The following KLHDC4 variants were observed in gnomAD, a reference collection of about 807,000 sequenced individuals.
KLHDC4 encodes kelch domain-containing protein 4.
A neutral mutation model predicts 62.4 loss-of-function variants in KLHDC4; 90 were observed. That is an observed-to-expected ratio of 1.44 (90% CI 1.22 to 1.72). KLHDC4 has a LOEUF of 1.72. Ranked by LOEUF, KLHDC4 falls within the 40% of genes most tolerant of loss-of-function variation. The pLI, the probability that KLHDC4 is intolerant of heterozygous loss-of-function variation, is 0.00. For missense variants in KLHDC4, 1,025 were observed against 699.7 expected (o/e 1.47, Z -5.25); for synonymous variants, 386 against 284.4 (o/e 1.36, Z -3.59).
At chr16:87,759,172 C>CA (rs1032140189) in intron 2 of KLHDC4, among the ~76,000 whole-genome samples, 2 of 151,870 alleles carry the variant, frequency 1.3e-5, no homozygotes, top group Admixed American at 1.3e-4. Context: ...AACTCTGTCT[C>CA]AAAAAAACCA....
At chr16:87,705,216 G>C (rs2034523579), downstream of KLHDC4, among the ~76,000 whole-genome samples, 1 of 152,246 alleles carries the variant, frequency 6.6e-6, no homozygotes, top group Non-Finnish European at 1.5e-5. Flanking sequence ...AGAGGCCCTG[G>C]GCTTTCGTGC....
At chr16:87,748,634 A>G in intron 5 of KLHDC4, 39 bp downstream of exon 5, 1 of 1,612,482 alleles carries the variant, frequency 6.2e-7, no homozygotes, top group Non-Finnish European at 8.5e-7. Flanking sequence ...AGCACAGAAG[A>G]GCCATGCCCG....
intron 4 of KLHDC4, among the ~76,000 whole-genome samples, chr16:87,749,589 T>A (rs1013668193): frequency 2.6e-5 from 4 of 151,554 alleles, no homozygotes; most frequent in Non-Finnish European, 5.9e-5. Context: ...AGTGTTTATG[T>A]TTTTTCCTTT....
chr16:87,761,915 G>A (rs776143326), intron 2 of KLHDC4, 34 bp downstream of exon 2: 11 of 1,601,264 alleles, frequency 6.9e-6, no homozygotes, highest in South Asian at 3.3e-5. Flanking sequence ...AGAAGAAAAG[G>A]AAACATACAA....
chr16:87,707,473 G>A (rs2034887970), downstream of KLHDC4, among the ~76,000 whole-genome samples: 2 of 152,136 alleles, frequency 1.3e-5, no homozygotes, highest in Admixed American at 6.5e-5. Context: ...AGACCCCCGT[G>A]TGCAGCCAGC....
At chr16:87,750,390 G>C (rs2043743562) in intron 4 of KLHDC4, 1 of 152,364 alleles carries the variant, frequency 6.6e-6, no homozygotes, top group African/African-American at 2.4e-5. Context: ...AGCTTCGCCT[G>C]ACTGTAACGC....
chr16:87,759,307 G>C (rs1016761963), intron 2 of KLHDC4, among the ~76,000 whole-genome samples: 5 of 151,980 alleles, frequency 3.3e-5, no homozygotes, highest in Admixed American at 3.3e-4. Flanking sequence ...GGCCAAGGCA[G>C]TTGGATCATC....
intron 6 of KLHDC4, among the ~76,000 whole-genome samples, chr16:87,727,484 G>A (rs764765489): frequency 1.3e-5 from 2 of 152,186 alleles, no homozygotes; most frequent in African/African-American, 2.4e-5. Context: ...AGGGGACTGG[G>A]CGCTCCAGGG....
intron 4 of KLHDC4, among the ~76,000 whole-genome samples, chr16:87,754,271 G>T (rs573578417): frequency 6.6e-6 from 1 of 152,004 alleles, no homozygotes; most frequent in Admixed American, 6.6e-5. Flanking sequence ...ACTTCAACCT[G>T]GGGGGCAGAG....
At chr16:87,701,768 C>A (rs765203709) in exon 1 of KLHDC4, 3 of 456,702 alleles carry the variant, frequency 6.6e-6, no homozygotes, top group Non-Finnish European at 1.3e-5. Flanking sequence ...CAAGCGTGCA[C>A]ACCCGTCCGC....
At chr16:87,730,157 T>C (rs1450899740) in intron 6 of KLHDC4, among the ~76,000 whole-genome samples, 1 of 152,192 alleles carries the variant, frequency 6.6e-6, no homozygotes, top group East Asian at 1.9e-4. Flanking sequence ...TTTCACTATG[T>C]TGGCCACGCT....
At chr16:87,745,533 G>T (rs940210677) in intron 5 of KLHDC4, among the ~76,000 whole-genome samples, 14 of 152,374 alleles carry the variant, frequency 9.2e-5, no homozygotes, top group African/African-American at 2.6e-4. Context: ...TGTTTCATAT[G>T]GGCAAATCCA....
exon 1 of KLHDC4, chr16:87,700,935 G>T: frequency 7.9e-6 from 2 of 251,836 alleles, no homozygotes; most frequent in Non-Finnish European, 7.9e-6. Flanking sequence ...CACCTGGTTG[G>T]CTTCTCTCGC....
Position 87,761,973 on chromosome 16 carries a change from A to AC in KLHDC4, c.166_167insG (p.Leu56ArgfsTer19), listed in dbSNP as rs1258727962. The AC allele has an allele frequency of 4.3e-6, 7 of 1,613,856 alleles. No homozygotes were observed. In the Admixed American group the frequency reaches 1.2e-4, roughly 27 times the overall value. ...CCTTGGTGAGGGTGGGGGGCACGGAAGTTCCACAGTCTGAGTCCTCTTGGC... is the reference window on the plus strand; with the variant it reads ...CCTTGGTGAGGGTGGGGGGCACGGAACGTTCCACAGTCTGAGTCCTCTTGGC... On this transcript the variant is annotated frameshift_variant, in exon 2 of 12. Transcript: ENST00000270583. LOFTEE classifies it high-confidence loss of function.
intron 4 of KLHDC4, 33 bp downstream of exon 4, chr16:87,755,161 G>A (rs1364680042): frequency 1.4e-6 from 2 of 1,437,186 alleles, no homozygotes; most frequent in South Asian, 1.1e-5. Context: ...CGTGGGAAGA[G>A]GGAGGGTGGC....
At chr16:87,747,475 C>T (rs1178989393) in intron 5 of KLHDC4, 2 of 152,124 alleles carry the variant, frequency 1.3e-5, no homozygotes, top group Non-Finnish European at 2.9e-5. Flanking sequence ...AGTAATTTCC[C>T]AATTGCTGCG....
At chr16:87,706,183 G>C (rs1159700271), downstream of KLHDC4, among the ~76,000 whole-genome samples, 32 of 113,048 alleles carry the variant, frequency 2.8e-4, 2 homozygotes, top group South Asian at 6.4e-4. Flanking sequence ...GCAGCCCTCG[G>C]GGGGGGGTCA....
chr16:87,758,007 A>G (rs750582730), intron 2 of KLHDC4, among the ~76,000 whole-genome samples: 1 of 152,178 alleles, frequency 6.6e-6, no homozygotes, highest in Non-Finnish European at 1.5e-5. Flanking sequence ...GTCCTCTAAG[A>G]CGGCGTTCCC....
chr16:87,763,694 A>G (rs1298116532), intron 1 of KLHDC4: 2 of 152,234 alleles, frequency 1.3e-5, no homozygotes, highest in African/African-American at 4.8e-5. Context: ...GGTTAAACAA[A>G]CAGTTCAAAT....
Sources: allele counts gnomAD v4.1 joint callset (sites outside exome capture counted in the v4.1 genomes callset), GRCh38; gene constraint gnomAD v4.1.1; transcripts MANE v1.5; gene names NCBI Gene and HGNC (gene_info 2026-07-23, HGNC 2026-07-21).